Variants in LGALS8 observed in about 807,000 individuals in gnomAD.
LGALS8 encodes the protein galectin-8.
In LGALS8, 30 loss-of-function variants were observed where a neutral mutation model predicts 35.9. That is an observed-to-expected ratio of 0.83 (90% CI 0.62 to 1.13). The LOEUF (loss-of-function observed/expected upper bound fraction) is 1.13. Ranked by LOEUF, LGALS8 falls within the 50% of genes most tolerant of loss-of-function variation. The pLI, the probability that LGALS8 is intolerant of heterozygous loss-of-function variation, is 0.00. For synonymous variants in LGALS8, 138 were observed against 136.1 expected, an observed-to-expected ratio of 1.01 and a Z score of -0.10; for missense variants, 366 against 388.7, an observed-to-expected ratio of 0.94 and a Z score of 0.49.
chr1:236,530,811 T>C (rs1661100722), intron 2 of LGALS8, among the ~76,000 whole-genome samples: 1 of 152,244 alleles, frequency 6.6e-6, no homozygotes, highest in African/African-American at 2.4e-5. Context: ...AAAGATAATA[T>C]GTGCAAATCA....
chr1:236,531,862 G>A (rs1661168755), intron 2 of LGALS8, among the ~76,000 whole-genome samples: 1 of 152,168 alleles, frequency 6.6e-6, no homozygotes, highest in Non-Finnish European at 1.5e-5. Context: ...ATTTATTGCG[G>A]TGAAAGGATA....
At chr1:236,521,164 T>C (rs954083741), upstream of LGALS8, among the ~76,000 whole-genome samples, 1 of 152,134 alleles carries the variant, frequency 6.6e-6, no homozygotes, top group Non-Finnish European at 1.5e-5. Flanking sequence ...TAACATAAAA[T>C]AAAAAGGCAC....
chr1:236,518,430 G>T (rs1474305899), exon 2 of LGALS8: 2 of 152,218 alleles, frequency 1.3e-5, no homozygotes, highest in African/African-American at 4.8e-5. Context: ...TTAGATTGGG[G>T]AAGATAATCG....
At chr1:236,541,761 C>A in intron 6 of LGALS8, 51 bp downstream of exon 6, 1 of 946,390 alleles carries the variant, frequency 1.1e-6, no homozygotes, top group Non-Finnish European at 1.6e-6. Flanking sequence ...GTTGTTTTAG[C>A]TGCCATGTTA....
intron 2 of LGALS8, among the ~76,000 whole-genome samples, chr1:236,529,634 T>G (rs7531162): frequency 3.1e-5 from 4 of 127,670 alleles, no homozygotes; most frequent in Admixed American, 9.1e-5. Context: ...TTTTTTTTTT[T>G]TTTCTTTCTT....
chr1:236,540,730 G>T, intron 5 of LGALS8, 47 bp downstream of exon 5: 1 of 1,531,344 alleles, frequency 6.5e-7, no homozygotes, highest in South Asian at 1.3e-5. Flanking sequence ...GATGGTTTCT[G>T]ATGAGATGGT....
upstream of LGALS8, among the ~76,000 whole-genome samples, chr1:236,520,181 T>G (rs535897940): frequency 1.3e-5 from 2 of 151,966 alleles, no homozygotes; most frequent in Non-Finnish European, 2.9e-5. Context: ...GGTCTCAAAC[T>G]CCTGACCTCA....
At chr1:236,527,455 G>A (rs1660874350) in intron 2 of LGALS8, among the ~76,000 whole-genome samples, 1 of 152,134 alleles carries the variant, frequency 6.6e-6, no homozygotes, top group South Asian at 2.1e-4. Context: ...TGAGGATAAT[G>A]CATTTCCAAG....
intron 7 of LGALS8, chr1:236,543,352 C>CGTCTAA: frequency 1.5e-6 from 1 of 685,976 alleles, no homozygotes; most frequent in Non-Finnish European, 2.7e-6. Flanking sequence ...CTCATTTCAT[C>CGTCTAA]GTCTAAAATG....
chr1:236,536,283 G>C (rs1479855734), intron 2 of LGALS8: 1 of 152,218 alleles, frequency 6.6e-6, no homozygotes, highest in Non-Finnish European at 1.5e-5. Context: ...GAGGCTTAAC[G>C]GTGTGTGGGC....
chr1:236,519,948 ATTTTT>A (rs35589317), upstream of LGALS8, among the ~76,000 whole-genome samples: 17 of 109,444 alleles, frequency 1.6e-4, no homozygotes, highest in African/African-American at 4.7e-4. Context: ...GTTTTGTACA[ATTTTT>A]TTTTTTTTTT....
chr1:236,541,463 C>A (rs1047634320), intron 5 of LGALS8, 191 bp from the exon 6 acceptor site: 6 of 462,364 alleles, frequency 1.3e-5, no homozygotes, highest in Admixed American at 8.9e-5. Context: ...GCTGACATTA[C>A]ATCTTATTCT....
At position 236,537,021 on chromosome 1, in the gene LGALS8, C is replaced by CTTT. The variant is rs60024224; in HGVS notation, c.46-465_46-463dup. Among the ~76,000 whole-genome samples the CTTT allele has an allele frequency of 7.2e-4, 99 of 137,888 alleles. 6 individuals are homozygous for CTTT. Among genetic ancestry groups the CTTT allele is most frequent in the Middle Eastern group, 7.2e-3 (2 of 276 alleles). 90.5% of individuals were successfully genotyped at this position (137,888 alleles called of 152,430 possible). On this transcript the variant is annotated intron_variant, in intron 2 of 9. Transcript: ENST00000366584. ...ATCCTGGCCATGAGGTATGCAGTTC[C>CTTT]TTTTTTTTTTTTTGAGACGGAGCCT...
rs765260271 is a variant in LGALS8 at position 236,551,963 on chromosome 1, T to G, written c.*3802T>G. The G allele has an allele frequency of 7.5e-7, 1 of 1,333,284 alleles. No individual in the cohort carries two copies. Among genetic ancestry groups the G allele is most frequent in the East Asian group, 2.3e-5 (1 of 43,508 alleles). The allele number at this position is 1,333,284 out of a possible 1,614,324, so 82.6% of individuals were successfully genotyped here. On this transcript the variant is annotated 3_prime_UTR_variant, in exon 10 of 10. Transcript: ENST00000366584. ...CACAGAATTTTACTGAATTATTCCT[T>G]AATTGTTTAATGGTTGGGAATAGTT...
Position 236,548,038 on chromosome 1 carries a change from A to T in LGALS8, c.831A>T (p.Glu277Asp), listed in dbSNP as rs1428272879. ...FEMIIYCDVR[E>D]FKVAVNGVHS... ...TGATAATTTATTGTGATGTTAGAGAATTCAAGGTTGCAGTAAATGGCGTAC... is the reference window on the plus strand; with the variant it reads ...TGATAATTTATTGTGATGTTAGAGATTTCAAGGTTGCAGTAAATGGCGTAC... The change falls in exon 10 of 10, where the codon GAA becomes GAT. Residue 277 changes from glutamate to aspartate, a missense_variant. Transcript: ENST00000366584. The T allele has an allele frequency of 1.2e-6, 2 of 1,611,898 alleles. No homozygotes were observed. Among genetic ancestry groups the T allele is most frequent in the Non-Finnish European group, 1.7e-6 (2 of 1,177,952 alleles).
intron 2 of LGALS8, among the ~76,000 whole-genome samples, chr1:236,537,213 C>T (rs1661589125): frequency 1.3e-5 from 2 of 151,818 alleles, no homozygotes; most frequent in Admixed American, 1.3e-4. Context: ...GACGGGGTTT[C>T]ACCGTGTTAG....
intron 4 of LGALS8, chr1:236,539,313 G>A (rs1661798727): frequency 1.8e-6 from 1 of 553,612 alleles, no homozygotes; most frequent in South Asian, 2.1e-5. Context: ...GGTCCACTGT[G>A]ACCAGATCTT....
intron 1 of LGALS8, 195 bp downstream of exon 1, chr1:236,524,256 G>A (rs1209090133): frequency 2.2e-6 from 1 of 455,764 alleles, no homozygotes; most frequent in Non-Finnish European, 4.4e-6. Flanking sequence ...TGGCGGGGAC[G>A]CTGCCTCTGC....
intron 3 of LGALS8, among the ~76,000 whole-genome samples, chr1:236,538,411 G>T (rs1455427610): frequency 1.3e-5 from 2 of 152,168 alleles, no homozygotes; most frequent in Non-Finnish European, 2.9e-5. Context: ...TATCTTGAGG[G>T]TGAGGTAAGG....
Sources: gnomAD v4.1 joint callset for allele counts (sites outside exome capture counted in the v4.1 genomes callset) on GRCh38, gnomAD v4.1.1 for gene constraint, MANE v1.5 for transcripts, NCBI Gene and HGNC (gene_info 2026-07-23, HGNC 2026-07-21) for gene names.